Variants in LUC7L observed in about 807,000 individuals in gnomAD.
LUC7L encodes LUC7 like.
LUC7L carries 29 observed loss-of-function variants against 51.1 expected under a neutral mutation model. The ratio of observed to expected loss-of-function variants is 0.57; its 90% CI spans 0.42 to 0.77. LUC7L has a LOEUF of 0.77. LUC7L is among the 30% of genes least tolerant of loss of function. The pLI, the probability that LUC7L is intolerant of heterozygous loss-of-function variation, is 0.00. For missense variants in LUC7L, 403 were observed against 511.9 expected (o/e 0.79, Z 2.05); for synonymous variants, 181 against 180.7 (o/e 1.00, Z -0.01).
intron 3 of LUC7L, among the ~76,000 whole-genome samples, chr16:217,218 T>C (rs537786060): frequency 2.6e-5 from 4 of 152,044 alleles, no homozygotes; most frequent in South Asian, 4.2e-4. Context: ...CGTTTCACCA[T>C]GTTGGCCAGG....
At position 189,045 on chromosome 16, in the gene LUC7L, G is replaced by A; in HGVS notation, c.*153C>T. On this transcript the variant is annotated 3_prime_UTR_variant, in exon 10 of 10. Transcript: ENST00000293872. ...TACTCAACATGACCCGGGAACACAG[G>A]AGCAACTCTGTACACTTCTAGAAAC... The A allele has an allele frequency of 6.0e-6, 5 of 828,788 alleles. No homozygotes were observed. The highest frequency in any genetic ancestry group is 9.4e-6 in the Non-Finnish European group (5 of 531,140). 51.3% of individuals were successfully genotyped at this position (828,788 alleles called of 1,614,324 possible). A position where few individuals can be genotyped will look rare whatever the true frequency, so the allele number is the denominator to read the frequency against.
chr16:227,865 G>C, intron 1 of LUC7L: 1 of 1,000,256 alleles, frequency 1.0e-6, no homozygotes, highest in Non-Finnish European at 1.2e-6. Context: ...CGTCCCTTTC[G>C]TTCCCACCCT....
chr16:224,622 G>T (rs1320494410), intron 2 of LUC7L, among the ~76,000 whole-genome samples: 1 of 150,258 alleles, frequency 6.7e-6, no homozygotes, highest in African/African-American at 2.4e-5. Context: ...CTGAAGTCAG[G>T]AGTTTGAGAC....
chr16:213,001 C>A (rs558644385), intron 3 of LUC7L, among the ~76,000 whole-genome samples: 1 of 152,258 alleles, frequency 6.6e-6, no homozygotes, highest in South Asian at 2.1e-4. Context: ...TGGGCTCAAG[C>A]AATCTTCCGG....
chr16:220,605 G>T, intron 3 of LUC7L, 44 bp downstream of exon 3: 1 of 1,386,102 alleles, frequency 7.2e-7, no homozygotes. Context: ...GTTCAATATT[G>T]GGTTCTTCGC....
At position 189,382 on chromosome 16, in the gene LUC7L, C is replaced by G. The variant is rs138969437; in HGVS notation, c.975-43G>C. The G allele has an allele frequency of 1.7e-5, 26 of 1,574,438 alleles. 1 individual carries two copies. In the Middle Eastern group the frequency reaches 5.3e-4, roughly 32 times the overall value. On this transcript the variant is annotated intron_variant, in intron 9 of 9. Transcript: ENST00000293872. ...GAGGCTCAGTGGAGGCTGCTGCCCCCCTTCTGCTGGCCGCTCAGGCACTGA... is the reference window on the plus strand; with the variant it reads ...GAGGCTCAGTGGAGGCTGCTGCCCCGCTTCTGCTGGCCGCTCAGGCACTGA...
chr16:208,256 C>A, intron 3 of LUC7L, 68 bp from the exon 4 acceptor site: 1 of 1,185,002 alleles, frequency 8.4e-7, no homozygotes, highest in Non-Finnish European at 1.2e-6. Context: ...AACCCATTTG[C>A]TTGATAGGAA....
chr16:211,782 G>A (rs566850764), intron 3 of LUC7L, among the ~76,000 whole-genome samples: 1 of 152,312 alleles, frequency 6.6e-6, no homozygotes, highest in East Asian at 1.9e-4. Flanking sequence ...CTAACAGTAT[G>A]GCAAAACTGG....
At chr16:197,009 A>G (rs1164104720) in intron 6 of LUC7L, among the ~76,000 whole-genome samples, 3 of 146,432 alleles carry the variant, frequency 2.0e-5, no homozygotes, top group South Asian at 2.2e-4. Context: ...CCGGGTTGAC[A>G]CCATTCTCCT....
intron 4 of LUC7L, among the ~76,000 whole-genome samples, 189 bp from the exon 5 acceptor site, chr16:206,336 G>A (rs889191104): frequency 4.6e-5 from 7 of 152,202 alleles, no homozygotes; most frequent in African/African-American, 1.7e-4. Flanking sequence ...ATGTTCCAAT[G>A]AAACCAGTGG....
chr16:219,441 C>T (rs2049903422), intron 3 of LUC7L, among the ~76,000 whole-genome samples: 1 of 152,012 alleles, frequency 6.6e-6, no homozygotes, highest in South Asian at 2.1e-4. Flanking sequence ...ATTAGCCAGA[C>T]ATGGTCGTGT....
At position 199,175 on chromosome 16, in the gene LUC7L, C is replaced by A. The variant is rs1287862704; in HGVS notation, c.574G>T (p.Val192Phe). The change falls in exon 6 of 10, where the codon GTC becomes TTC. Residue 192 changes from valine to phenylalanine, a missense_variant. By Grantham distance (50) the Val-to-Phe change is conservative. Coordinates refer to ENST00000293872, the MANE Select transcript of LUC7L (RefSeq NM_201412.3). ...FQQQKLRVCE[V>F]CSAYLGLHDN... is the part of the protein sequence containing the mutation. ...TGGAGACCAAGGTAGGCTGAACAGA[C>A]CTCGCAGACACGCAGCTTTTGCTGC... The A allele has an allele frequency of 6.2e-7, 1 of 1,611,458 alleles. No individual in the cohort carries two copies. Among genetic ancestry groups the A allele is most frequent in the Non-Finnish European group, 8.5e-7 (1 of 1,177,880 alleles).
chr16:221,830 A>C (rs1169489209), intron 2 of LUC7L, among the ~76,000 whole-genome samples: 1 of 152,216 alleles, frequency 6.6e-6, no homozygotes, highest in Non-Finnish European at 1.5e-5. Context: ...GAGGAAGAGG[A>C]AAGAGCGGAC....
chr16:189,439 C>T lies in LUC7L; in HGVS notation c.975-100G>A, dbSNP rs893267682. ...ACCCGCAGACCAGGCCAGGCAAGGC[C>T]CTACATCCCCTATACCTGGAAACCC... On this transcript the variant is annotated intron_variant, in intron 9 of 9. Coordinates refer to ENST00000293872, the MANE Select transcript of LUC7L (RefSeq NM_201412.3). 1.7e-5 allele frequency: 25 copies of T among 1,459,100 alleles called. No homozygotes were observed. The African/African-American group carries it at 3.0e-4, about 17-fold the overall frequency. The allele number at this position is 1,459,100 out of a possible 1,614,324, so 90.4% of individuals were successfully genotyped here. A position where few individuals can be genotyped will look rare whatever the true frequency, so the allele number is the denominator to read the frequency against.
intron 3 of LUC7L, chr16:208,981 G>A (rs2049561667): frequency 6.6e-6 from 1 of 152,056 alleles, no homozygotes; most frequent in Admixed American, 6.6e-5. Flanking sequence ...GGATCATGAG[G>A]TCAGGAGTTC....
intron 2 of LUC7L, among the ~76,000 whole-genome samples, chr16:223,126 G>T (rs927700781): frequency 6.6e-6 from 1 of 151,176 alleles, no homozygotes; most frequent in African/African-American, 2.4e-5. Flanking sequence ...TTGGGAGGCC[G>T]AGGCGGGCGG....
chr16:189,287 C>G lies in LUC7L; in HGVS notation c.1027G>C (p.Glu343Gln). 1.9e-6 allele frequency: 3 copies of G among 1,613,578 alleles called. No individual in the cohort carries two copies. The highest frequency in any genetic ancestry group is 8.5e-7 in the Non-Finnish European group (1 of 1,179,960). Residue 343 changes from glutamate (E) to glutamine (Q), a missense_variant, in exon 10 of 10, where the codon GAG (glutamate) becomes CAG (glutamine). By Grantham distance (29) the Glu-to-Gln change is conservative (BLOSUM62 2). Around this residue, in one of 3 missense-constraint regions of LUC7L, gnomAD observed 206 missense variants for 218.3 expected, o/e 0.94. Coordinates refer to ENST00000293872, the MANE Select transcript of LUC7L (RefSeq NM_201412.3). ...REESWESGRS[E>Q]RGPPDWRLES... is the part of the protein sequence containing the mutation. ...AGCCTCCAGTCCGGGGGCCCTCGCT[C>G]GCTCCGCCCGCTCTCCCAGGACTCC... is the stretch of plus-strand genomic sequence containing the variant.
chr16:224,131 A>C (rs1299683624), intron 2 of LUC7L, among the ~76,000 whole-genome samples: 1 of 152,220 alleles, frequency 6.6e-6, no homozygotes, highest in African/African-American at 2.4e-5. Flanking sequence ...CTACCAAAGG[A>C]AGCAGACCCT....
intron 7 of LUC7L, among the ~76,000 whole-genome samples, chr16:191,899 G>A (rs944550241): frequency 2.6e-5 from 4 of 152,154 alleles, no homozygotes; most frequent in Non-Finnish European, 4.4e-5. Flanking sequence ...ATTATTTCAG[G>A]AAAAGTGGTT....
Sources: allele counts gnomAD v4.1 joint callset (sites outside exome capture counted in the v4.1 genomes callset), GRCh38; gene constraint gnomAD v4.1.1; regional missense constraint gnomAD v4.1.1; transcripts MANE v1.5; gene names NCBI Gene and HGNC (gene_info 2026-07-23, HGNC 2026-07-21).